Variants in ARHGAP23 observed in about 807,000 individuals in gnomAD.
ARHGAP23 encodes rho GTPase-activating protein 23.
A neutral mutation model predicts 136.3 loss-of-function variants in ARHGAP23; 34 were observed. The observed-to-expected ratio is 0.25, with a 90% CI of 0.19 to 0.33. The LOEUF is 0.33. Ranked by LOEUF, ARHGAP23 falls within the 10% of genes least tolerant of loss-of-function variation. ARHGAP23 has a pLI of 1.00. For missense variants in ARHGAP23, 1,808 were observed against 2,139.0 expected, an observed-to-expected ratio of 0.85 and a Z score of 3.05; for synonymous variants, 832 against 920.5, an observed-to-expected ratio of 0.90 and a Z score of 1.74.
chr17:38,481,788 A>C (rs1187819508), intron 14 of ARHGAP23, among the ~76,000 whole-genome samples: 2 of 152,164 alleles, frequency 1.3e-5, no homozygotes, highest in African/African-American at 4.8e-5. Flanking sequence ...TCCGCCTTGT[A>C]GTTTTGGCCC....
intron 17 of ARHGAP23, among the ~76,000 whole-genome samples, chr17:38,488,530 CA>C (rs2040204526): frequency 6.6e-6 from 1 of 152,186 alleles, no homozygotes; most frequent in South Asian, 2.1e-4. Context: ...AAACTGAAAA[CA>C]AATTTTTTGT....
chr17:38,420,601 G>C (rs2038510877), intron 1 of ARHGAP23, among the ~76,000 whole-genome samples: 1 of 152,094 alleles, frequency 6.6e-6, no homozygotes, highest in African/African-American at 2.4e-5. Context: ...GGGAGGTGGA[G>C]TCCGTGGAAG....
At chr17:38,450,982 G>C (rs1372638871) in intron 1 of ARHGAP23, 1 of 152,334 alleles carries the variant, frequency 6.6e-6, no homozygotes, top group Non-Finnish European at 1.5e-5. Flanking sequence ...CTGATGCAGG[G>C]GGAGGAAGCT....
intron 1 of ARHGAP23, among the ~76,000 whole-genome samples, chr17:38,439,714 T>TA (rs2038879304): frequency 6.6e-6 from 1 of 151,872 alleles, no homozygotes; most frequent in Non-Finnish European, 1.5e-5. Context: ...TCCAGTGACA[T>TA]ACAGCTAGGA....
chr17:38,474,778 C>CA (rs2039852976), intron 11 of ARHGAP23, among the ~76,000 whole-genome samples: 1 of 152,096 alleles, frequency 6.6e-6, no homozygotes, highest in South Asian at 2.1e-4. Context: ...GGGAGGCTGA[C>CA]AGAGACCAAA....
rs773074045 is a variant in ARHGAP23, at chr17:38,497,777, C to T, written c.3277-8C>T. 1 of 1,550,992 alleles carries T rather than the reference C, an allele frequency of 6.4e-7. No individual in the cohort carries two copies. Among genetic ancestry groups the T allele is most frequent in the South Asian group, 1.2e-5 (1 of 84,036 alleles). On this transcript the variant is annotated splice_region_variant and splice_polypyrimidine_tract_variant and intron_variant, in intron 20 of 23. Coordinates refer to ENST00000622683, the MANE Select transcript of ARHGAP23 (RefSeq NM_001199417.2). ...TGATTTCATCCCTTCCTTTTGTCTTCTCTGCAGTCAGACTGGTTCTTCAGT... is the reference window on the plus strand; with the variant it reads ...TGATTTCATCCCTTCCTTTTGTCTTTTCTGCAGTCAGACTGGTTCTTCAGT...
chr17:38,494,482 G>C (rs1227144985), intron 20 of ARHGAP23, among the ~76,000 whole-genome samples: 1 of 152,060 alleles, frequency 6.6e-6, no homozygotes, highest in African/African-American at 2.4e-5. Flanking sequence ...TCAACTACTT[G>C]GGGGGCTGAG....
At chr17:38,500,353 T>A (rs539179484) in intron 22 of ARHGAP23, 8 of 555,792 alleles carry the variant, frequency 1.4e-5, no homozygotes, top group African/African-American at 1.3e-4. Context: ...GAGGGGCCAG[T>A]GGCTGGCAGC....
At chr17:38,467,369 G>A (rs927977370) in intron 7 of ARHGAP23, 38 bp downstream of exon 7, 7 of 1,448,756 alleles carry the variant, frequency 4.8e-6, no homozygotes, top group Non-Finnish European at 5.5e-6. Flanking sequence ...GGGGGACTTA[G>A]CTGTCGGCTG....
intron 1 of ARHGAP23, among the ~76,000 whole-genome samples, chr17:38,439,564 T>C (rs929854195): frequency 6.6e-6 from 1 of 152,232 alleles, no homozygotes; most frequent in African/African-American, 2.4e-5. Flanking sequence ...AAACTTGTAT[T>C]GCGGGCCTCA....
chr17:38,439,523 T>A (rs2038874615), intron 1 of ARHGAP23, among the ~76,000 whole-genome samples: 1 of 152,162 alleles, frequency 6.6e-6, no homozygotes, highest in Admixed American at 6.5e-5. Flanking sequence ...TGCCCACCAA[T>A]AATAATAACA....
intron 1 of ARHGAP23, among the ~76,000 whole-genome samples, chr17:38,437,831 A>C (rs568062687): frequency 6.0e-4 from 91 of 152,008 alleles, no homozygotes; most frequent in African/African-American, 2.0e-3. Flanking sequence ...TGGTGGGTGC[A>C]GAGAGATGTA....
intron 1 of ARHGAP23, among the ~76,000 whole-genome samples, chr17:38,456,916 CT>C (rs375995739): frequency 1.2e-3 from 182 of 146,228 alleles, no homozygotes; most frequent in Non-Finnish European, 1.2e-3. Flanking sequence ...AACCTCCAGC[CT>C]TTTTTTTTTT....
intron 19 of ARHGAP23, 64 bp downstream of exon 19, chr17:38,490,615 C>G: frequency 7.6e-7 from 1 of 1,317,630 alleles, no homozygotes; most frequent in African/African-American, 1.5e-5. Context: ...TGAGGGCCCT[C>G]AGCACGCACT....
chr17:38,467,199 G>T lies in ARHGAP23; in HGVS notation c.1516G>T (p.Ala506Ser), dbSNP rs537595741. 3 of 1,550,786 alleles carry T rather than the reference G, an allele frequency of 1.9e-6. No individual in the cohort carries two copies. The highest frequency in any genetic ancestry group is 2.4e-5 in the East Asian group (1 of 40,908). ...PTGRKVQLTP[A>S]RQMNLGFGDE... ...GGGCCGCAAGGTTCAGCTGACCCCCGCAAGACAGATGAACCTTGGATTTGG... is the reference window on the plus strand; with the variant it reads ...GGGCCGCAAGGTTCAGCTGACCCCCTCAAGACAGATGAACCTTGGATTTGG... The change falls in exon 7 of 24, where the codon GCA becomes TCA. Residue 506 changes from alanine (A) to serine (S), a missense_variant. Around this residue, in one of 7 missense-constraint regions of ARHGAP23, gnomAD observed 859 missense variants for 936.4 expected, o/e 0.92. Transcript: ENST00000622683.
intron 1 of ARHGAP23, among the ~76,000 whole-genome samples, chr17:38,447,303 G>A (rs149386617): frequency 1.2e-3 from 178 of 151,640 alleles, no homozygotes; most frequent in African/African-American, 3.6e-3. Context: ...TTAGCCGGGC[G>A]TGGTGGCACG....
intron 6 of ARHGAP23, 64 bp downstream of exon 6, chr17:38,463,446 G>A (rs778215266): frequency 9.8e-6 from 15 of 1,532,980 alleles, no homozygotes; most frequent in Non-Finnish European, 1.2e-5. Context: ...CGGCTCCCCT[G>A]GGAGGCAGAG....
At chr17:38,469,393 C>T (rs1282083277) in intron 8 of ARHGAP23, 94 bp downstream of exon 8, 2 of 1,469,406 alleles carry the variant, frequency 1.4e-6, no homozygotes, top group African/African-American at 1.4e-5. Context: ...CTGGCCTCTT[C>T]CTCTGGTTTC....
At chr17:38,441,504 C>T (rs1248625850) in intron 1 of ARHGAP23, among the ~76,000 whole-genome samples, 1 of 152,162 alleles carries the variant, frequency 6.6e-6, no homozygotes, top group Admixed American at 6.5e-5. Flanking sequence ...CCAAGTCCCT[C>T]ATCATGGAAG....
Sources: allele counts gnomAD v4.1 joint callset (sites outside exome capture counted in the v4.1 genomes callset), GRCh38; gene constraint gnomAD v4.1.1; regional missense constraint gnomAD v4.1.1; transcripts MANE v1.5; gene names NCBI Gene and HGNC (gene_info 2026-07-23, HGNC 2026-07-21).